The following PHACTR2 variants were observed in gnomAD, a reference collection of about 807,000 sequenced individuals.
PHACTR2 encodes the protein chromosome 6 open reading frame 56.
PHACTR2 carries 30 observed loss-of-function variants against 76.0 expected under a neutral mutation model. The observed-to-expected ratio is 0.39, with a 90% CI of 0.30 to 0.54. PHACTR2 has a LOEUF of 0.54. PHACTR2 is among the 20% of genes least tolerant of loss of function. The probability of loss-of-function intolerance (pLI) is 0.61; values close to 1 mark genes in which losing one functional copy is unlikely to be tolerated. For synonymous variants in PHACTR2, 292 were observed against 292.5 expected, an observed-to-expected ratio of 1.00 and a Z score of 0.02; for missense variants, 696 against 781.1, an observed-to-expected ratio of 0.89 and a Z score of 1.30.
intron 11 of PHACTR2, among the ~76,000 whole-genome samples, chr6:143,804,060 C>A (rs183109774): frequency 1.1e-4 from 16 of 152,262 alleles, no homozygotes; most frequent in Admixed American, 9.8e-4. Flanking sequence ...AACAAACCAC[C>A]CCAGAATTTA....
Position 143,683,936 on chromosome 6 carries a change from C to T in PHACTR2, c.46+5727C>T, listed in dbSNP as rs1278814496. Among the ~76,000 whole-genome samples the T allele has an allele frequency of 1.1e-4, 16 of 152,168 alleles. No individual in the cohort carries two copies. The highest frequency in any genetic ancestry group is 1.2e-4 in the Non-Finnish European group (8 of 68,022). Reference sequence around the variant, plus strand: ...AGTCAAACAAGACATACTATACTTACTGCTCTATACTTTGAATTTTTCGTG... The same window carrying T: ...AGTCAAACAAGACATACTATACTTATTGCTCTATACTTTGAATTTTTCGTG... On this transcript the variant is annotated intron_variant, in intron 1 of 12. Transcript: ENST00000440869. This position sits in a 1 kb window ranked among gnomAD's most constrained non-coding sequence, Gnocchi z 4.1.
intron 1 of PHACTR2, among the ~76,000 whole-genome samples, chr6:143,584,219 G>A (rs1775601115): frequency 6.6e-6 from 1 of 152,188 alleles, no homozygotes; most frequent in Non-Finnish European, 1.5e-5. Flanking sequence ...TTGGGGCTGT[G>A]GTTGTACTTT....
At chr6:143,634,657 T>C (rs777805938) in intron 1 of PHACTR2, among the ~76,000 whole-genome samples, 4 of 152,230 alleles carry the variant, frequency 2.6e-5, no homozygotes, top group Non-Finnish European at 5.9e-5. Context: ...CTTGGATTCA[T>C]GCCAAGATGA....
At chr6:143,564,818 C>T (rs1448266495) in intron 1 of PHACTR2, among the ~76,000 whole-genome samples, 1 of 152,132 alleles carries the variant, frequency 6.6e-6, no homozygotes, top group Non-Finnish European at 1.5e-5. Flanking sequence ...ACAACTGCAA[C>T]CTCAGCAAAA....
At position 143,689,719 on chromosome 6, in the gene PHACTR2, G is replaced by A; in HGVS notation, c.46+11510G>A. Among the ~76,000 whole-genome samples the A allele has an allele frequency of 6.8e-6, 1 of 146,110 alleles. No individual in the cohort carries two copies. Among genetic ancestry groups the A allele is most frequent in the East Asian group, 2.0e-4 (1 of 5,052 alleles). On this transcript the variant is annotated intron_variant, in intron 1 of 12. Coordinates refer to ENST00000440869, the MANE Select transcript of PHACTR2 (RefSeq NM_001100164.2). The surrounding 1 kb of genome is among the most constrained non-coding windows in gnomAD (Gnocchi z 4.4). ...GTCTTTTTTTTTTTTTTGAGATGGA[G>A]TGTCGCTCTGTTGCCCAGGCTGGAG...
At chr6:143,555,218 G>A (rs1287917556) in intron 1 of PHACTR2, 3 of 152,096 alleles carry the variant, frequency 2.0e-5, no homozygotes, top group Non-Finnish European at 4.4e-5. Context: ...AGCCTGCCGA[G>A]CTTAATTTTA....
At chr6:143,747,612 TA>T (rs1237967186) in intron 2 of PHACTR2, among the ~76,000 whole-genome samples, 1 of 151,926 alleles carries the variant, frequency 6.6e-6, no homozygotes, top group African/African-American at 2.4e-5. Flanking sequence ...AGCCCAGGAG[TA>T]GGAATCGGGG....
chr6:143,582,272 A>G (rs1415985167), intron 1 of PHACTR2, among the ~76,000 whole-genome samples: 1 of 152,210 alleles, frequency 6.6e-6, no homozygotes, highest in East Asian at 1.9e-4. Context: ...TCAACTAAAC[A>G]TGAGTTCAGA....
At chr6:143,744,163 A>G (rs1779003610) in intron 2 of PHACTR2, among the ~76,000 whole-genome samples, 1 of 152,152 alleles carries the variant, frequency 6.6e-6, no homozygotes, top group South Asian at 2.1e-4. Flanking sequence ...CATCCATAGG[A>G]CAGAAGGTTG....
rs1160056065 is a variant in PHACTR2, at chr6:143,783,605, T to TGA, written c.1707+328_1707+329dup. On this transcript the variant is annotated intron_variant, in intron 10 of 12. Transcript: ENST00000440869. This position sits in a 1 kb window ranked among gnomAD's most constrained non-coding sequence, Gnocchi z 5.2. ...CTGCACTCCAGGCTGGGAGACAGAA[T>TGA]GAGACCCTGTCTCAAAAAAATGAAA... Among the ~76,000 whole-genome samples, 3 of 152,120 alleles carry TGA rather than the reference T, an allele frequency of 2.0e-5. No homozygotes were observed. The highest frequency in any genetic ancestry group is 4.4e-5 in the Non-Finnish European group (3 of 68,020).
In PHACTR2 at chr6:143,680,062, G is replaced by A. The variant is rs1232910633; in HGVS notation, c.46+1853G>A. On this transcript the variant is annotated intron_variant, in intron 1 of 12. Coordinates refer to ENST00000440869, the MANE Select transcript of PHACTR2 (RefSeq NM_001100164.2). This position sits in a 1 kb window ranked among gnomAD's most constrained non-coding sequence, Gnocchi z 4.5. ...TAAGTTGTGGTATTGTAAAAGAACA[G>A]TTTTCTCGTGGTATCCAGTGTCTCT... Among the ~76,000 whole-genome samples, 1 of 151,740 alleles carries A rather than the reference G, an allele frequency of 6.6e-6. No individual in the cohort carries two copies. The highest frequency in any genetic ancestry group is 1.5e-5 in the Non-Finnish European group (1 of 67,956).
chr6:143,645,762 T>G (rs1562257958), intron 1 of PHACTR2, among the ~76,000 whole-genome samples: 1 of 152,330 alleles, frequency 6.6e-6, no homozygotes, highest in East Asian at 1.9e-4. Context: ...ACATTATTCC[T>G]TAAAAAATTG....
At chr6:143,544,530 A>T (rs1781205132) in intron 1 of PHACTR2, among the ~76,000 whole-genome samples, 1 of 152,174 alleles carries the variant, frequency 6.6e-6, no homozygotes, top group Non-Finnish European at 1.5e-5. Flanking sequence ...AATAATTAGT[A>T]ACAGTAACAC....
At chr6:143,642,332 T>TA (rs1284853225) in intron 1 of PHACTR2, among the ~76,000 whole-genome samples, 1 of 152,246 alleles carries the variant, frequency 6.6e-6, no homozygotes, top group Non-Finnish European at 1.5e-5. Context: ...TTCGCGAACC[T>TA]AAAAAATGTG....
intron 2 of PHACTR2, among the ~76,000 whole-genome samples, chr6:143,725,088 A>G (rs1351882775): frequency 1.3e-5 from 2 of 149,948 alleles, no homozygotes; most frequent in East Asian, 2.0e-4. Flanking sequence ...GTGTCTGTGT[A>G]TATGTGTGTA....
At position 143,789,499 on chromosome 6, in the gene PHACTR2, A is replaced by G. The variant is rs964746409; in HGVS notation, c.1845+589A>G. On this transcript the variant is annotated intron_variant, in intron 11 of 12. Coordinates refer to ENST00000440869, the MANE Select transcript of PHACTR2 (RefSeq NM_001100164.2). This position sits in a 1 kb window ranked among gnomAD's most constrained non-coding sequence, Gnocchi z 5.1. ...ACCCCTAATCTAAATCATTGCACAC[A>G]ATTCCTGAAAAATGAAATATACAGT... 2 of 152,292 alleles carry G rather than the reference A, an allele frequency of 1.3e-5. No individual in the cohort carries two copies. Among genetic ancestry groups the G allele is most frequent in the African/African-American group, 2.4e-5 (1 of 41,468 alleles). 9.4% of individuals were successfully genotyped at this position (152,292 alleles called of 1,614,324 possible). A position where few individuals can be genotyped will look rare whatever the true frequency, so the allele number is the denominator to read the frequency against.
At chr6:143,756,552 A>T (rs1167776397) in intron 4 of PHACTR2, among the ~76,000 whole-genome samples, 1 of 151,552 alleles carries the variant, frequency 6.6e-6, no homozygotes. Flanking sequence ...AAAAAAAATT[A>T]GCCGGGCGTG....
At position 143,823,732 on chromosome 6, in the gene PHACTR2, G is replaced by T. The variant is rs1188405767; in HGVS notation, c.*43G>T. 1 of 1,549,118 alleles carries T rather than the reference G, an allele frequency of 6.5e-7. No homozygotes were observed. ...TGGAAACAGAGACTGATCATCTTTG[G>T]GGGAAGCCCTGCTTCCTGAAAACCT... On this transcript the variant is annotated 3_prime_UTR_variant, in exon 13 of 13. Transcript: ENST00000440869. The surrounding 1 kb of genome is among the most constrained non-coding windows in gnomAD (Gnocchi z 5.7).
chr6:143,790,401 A>G (rs1478657388), intron 11 of PHACTR2, among the ~76,000 whole-genome samples: 3 of 151,776 alleles, frequency 2.0e-5, no homozygotes, highest in African/African-American at 7.3e-5. Context: ...GCAGGTCAGT[A>G]CTTATGTGAA....
Sources: gnomAD v4.1 joint callset for allele counts (sites outside exome capture counted in the v4.1 genomes callset) on GRCh38, gnomAD v4.1.1 for gene constraint, Gnocchi (gnomAD v3.1) non-coding constraint, MANE v1.5 for transcripts, NCBI Gene and HGNC (gene_info 2026-07-23, HGNC 2026-07-21) for gene names.